Variants in PUM2 observed in about 807,000 individuals in gnomAD.
The protein encoded by PUM2 is pumilio RNA binding family member 2, also known as pumilio homolog 2.
Under a neutral mutation model 124.5 loss-of-function variants are expected in PUM2, and 57 were observed. That is an observed-to-expected ratio of 0.46 (90% CI 0.37 to 0.57). The LOEUF is 0.57. PUM2 is among the 20% of genes least tolerant of loss of function. PUM2 has a pLI of 0.00. For synonymous variants in PUM2, 460 were observed against 446.1 expected (o/e 1.03, Z -0.39); for missense variants, 1,065 against 1,290.6 (o/e 0.83, Z 2.68).
chr2:20,300,202 T>C (rs1001446214), intron 7 of PUM2, among the ~76,000 whole-genome samples: 1 of 151,748 alleles, frequency 6.6e-6, no homozygotes, highest in African/African-American at 2.4e-5. Context: ...CAGGTTGGAG[T>C]GCAGTAGCAC....
At chr2:20,294,604 G>A (rs1675064194) in intron 8 of PUM2, 86 bp from the exon 9 acceptor site, 1 of 1,400,664 alleles carries the variant, frequency 7.1e-7, no homozygotes, top group South Asian at 1.5e-5. Context: ...GATTATAAAA[G>A]GGGGCAGGAA....
At position 20,308,286 on chromosome 2, in the gene PUM2, C is replaced by A. The variant is rs765544375; in HGVS notation, c.789+28G>T. ...CTAAACCAGTATACAGTTAAGAGGA[C>A]CTTCTTAAAGAAAGAACATGCTTTT... On this transcript the variant is annotated intron_variant, in intron 6 of 20. Transcript: ENST00000361078. 1.1e-5 allele frequency: 18 copies of A among 1,605,640 alleles called. No individual in the cohort carries two copies. In the Admixed American group the frequency reaches 3.0e-4, roughly 27 times the overall value.
intron 1 of PUM2, among the ~76,000 whole-genome samples, chr2:20,336,054 A>G (rs1572992697): frequency 6.6e-6 from 1 of 152,250 alleles, no homozygotes; most frequent in African/African-American, 2.4e-5. Context: ...TCTACACACT[A>G]AACAGCCTCA....
At chr2:20,330,883 G>A (rs1243426550) in intron 1 of PUM2, among the ~76,000 whole-genome samples, 1 of 152,208 alleles carries the variant, frequency 6.6e-6, no homozygotes, top group African/African-American at 2.4e-5. Flanking sequence ...TCTCCAGGGA[G>A]ATAGGGTCAG....
intron 10 of PUM2, among the ~76,000 whole-genome samples, 157 bp from the exon 11 acceptor site, chr2:20,283,643 A>G (rs1258621995): frequency 6.6e-6 from 1 of 152,258 alleles, no homozygotes; most frequent in Non-Finnish European, 1.5e-5. Context: ...ACATTTGACA[A>G]GGTCTTACTA....
In PUM2 at chr2:20,287,252, CA is replaced by C. The variant is rs141933419; in HGVS notation, c.1291+3399del. Reference sequence around the variant, plus strand: ...GTTGTAGAATGGTGAAAATAAACCACAAATAGCTAAATGAAATGCAAGGCAC... The same window carrying C: ...GTTGTAGAATGGTGAAAATAAACCACAATAGCTAAATGAAATGCAAGGCAC... On this transcript the variant is annotated intron_variant, in intron 10 of 20. Coordinates refer to ENST00000361078, the MANE Select transcript of PUM2 (RefSeq NM_015317.5). Among the ~76,000 whole-genome samples the C allele has an allele frequency of 2.3e-3, 354 of 152,122 alleles. 2 individuals carry two copies. Among genetic ancestry groups the C allele is most frequent in the South Asian group, 0.012 (59 of 4,824 alleles).
In PUM2 at chr2:20,338,422, T is replaced by C. The variant is rs189211679; in HGVS notation, c.-18-11044A>G. Among the ~76,000 whole-genome samples, 525 of 152,140 alleles carry C rather than the reference T, an allele frequency of 3.5e-3. 1 individual carries two copies. Among genetic ancestry groups the C allele is most frequent in the Middle Eastern group, 0.01 (3 of 294 alleles). ...CAAAAAACAAAACAAAAAAAACACC[T>C]GGACAATTGTTTACCACTTATCCCT... On this transcript the variant is annotated intron_variant, in intron 1 of 20. Coordinates refer to ENST00000361078, the MANE Select transcript of PUM2 (RefSeq NM_015317.5).
chr2:20,337,320 TG>T lies in PUM2; in HGVS notation c.-18-9943del, dbSNP rs533252644. ...TAGCAAGAGGATTGGGTTTGTTTTT[TG>T]TAAGTCCTCATCAGTAAAAGCATTT... On this transcript the variant is annotated intron_variant, in intron 1 of 20. Transcript: ENST00000361078. Among the ~76,000 whole-genome samples the T allele has an allele frequency of 3.7e-3, 565 of 152,360 alleles. 6 individuals are homozygous for T. Among genetic ancestry groups the T allele is most frequent in the African/African-American group, 0.013 (550 of 41,588 alleles).
At chr2:20,279,313 CAT>C (rs1670964393) in intron 12 of PUM2, among the ~76,000 whole-genome samples, 1 of 152,154 alleles carries the variant, frequency 6.6e-6, no homozygotes, top group African/African-American at 2.4e-5. Flanking sequence ...GTGTTCAAAA[CAT>C]AGCCCTTTAA....
chr2:20,254,061 C>A (rs144235217), intron 19 of PUM2, 47 bp from the exon 20 acceptor site: 2 of 1,519,714 alleles, frequency 1.3e-6, no homozygotes, highest in Non-Finnish European at 1.8e-6. Context: ...TTTTTCTTCA[C>A]AGCAAAATTT....
chr2:20,316,971 C>T (rs1681097332), intron 3 of PUM2, among the ~76,000 whole-genome samples: 1 of 151,942 alleles, frequency 6.6e-6, no homozygotes, highest in South Asian at 2.1e-4. Flanking sequence ...GCGGAGGTTG[C>T]AGTGAGCCAA....
At chr2:20,329,381 A>T (rs572716560) in intron 1 of PUM2, among the ~76,000 whole-genome samples, 1 of 150,504 alleles carries the variant, frequency 6.6e-6, no homozygotes, top group East Asian at 2.0e-4. Flanking sequence ...ACAATGAGCC[A>T]TGAGCGTACC....
At position 20,319,675 on chromosome 2, in the gene PUM2, G is replaced by A. The variant is rs17624177; in HGVS notation, c.52-1030C>T. ...GTGACATAGTAAACCATTAATAAAC[G>A]CAAAACTTGAGAAAATGCAGTGTGT... On this transcript the variant is annotated intron_variant, in intron 2 of 20. Coordinates refer to ENST00000361078, the MANE Select transcript of PUM2 (RefSeq NM_015317.5). Among the ~76,000 whole-genome samples the A allele has an allele frequency of 2.1e-3, 323 of 152,198 alleles. 2 individuals carry two copies. Among genetic ancestry groups the A allele is most frequent in the South Asian group, 0.012 (56 of 4,828 alleles).
At chr2:20,330,282 C>T (rs1451918570) in intron 1 of PUM2, among the ~76,000 whole-genome samples, 3 of 152,118 alleles carry the variant, frequency 2.0e-5, no homozygotes, top group Non-Finnish European at 2.9e-5. Flanking sequence ...GTATTTTTGG[C>T]CTTTGTCCAT....
At chr2:20,305,321 C>T (rs1484768837) in intron 7 of PUM2, among the ~76,000 whole-genome samples, 2 of 151,692 alleles carry the variant, frequency 1.3e-5, no homozygotes, top group East Asian at 1.9e-4. Context: ...CCCGTCTCTA[C>T]AAAAAATTCA....
intron 10 of PUM2, among the ~76,000 whole-genome samples, chr2:20,284,268 T>C (rs544679488): frequency 1.3e-5 from 2 of 152,370 alleles, no homozygotes; most frequent in South Asian, 2.1e-4. Context: ...TATTCTTTTC[T>C]GGAACTCAGT....
At chr2:20,335,164 GC>G (rs1159396247) in intron 1 of PUM2, among the ~76,000 whole-genome samples, 1 of 152,084 alleles carries the variant, frequency 6.6e-6, no homozygotes, top group Non-Finnish European at 1.5e-5. Context: ...GGCTCAAGCA[GC>G]CCTCCTGCCT....
intron 8 of PUM2, among the ~76,000 whole-genome samples, chr2:20,297,181 CT>C (rs1219852914): frequency 1.3e-5 from 2 of 152,302 alleles, no homozygotes; most frequent in African/African-American, 4.8e-5. Context: ...TATTCTACCC[CT>C]GACCTATGTA....
chr2:20,325,557 A>T (rs982103333), intron 2 of PUM2, among the ~76,000 whole-genome samples: 1 of 152,152 alleles, frequency 6.6e-6, no homozygotes, highest in East Asian at 1.9e-4. Context: ...GAAAACATAT[A>T]TACAATATAC....
Sources: gnomAD v4.1 joint callset for allele counts (sites outside exome capture counted in the v4.1 genomes callset) on GRCh38, gnomAD v4.1.1 for gene constraint, MANE v1.5 for transcripts, NCBI Gene and HGNC (gene_info 2026-07-23, HGNC 2026-07-21) for gene names.